NRTN: variants seen among roughly 807,000 people sequenced by gnomAD.
NRTN encodes the protein neurturin, also known as prepro-neurturin.
NRTN carries 3 observed loss-of-function variants against 7.5 expected under a neutral mutation model. The observed-to-expected ratio is 0.40, with a 90% CI of 0.18 to 1.03. NRTN has a LOEUF of 1.03. Ranked by LOEUF, NRTN falls within the 50% of genes least tolerant of loss-of-function variation. The pLI, the probability that NRTN is intolerant of heterozygous loss-of-function variation, is 0.34. For missense variants in NRTN, 310 were observed against 307.0 expected, an observed-to-expected ratio of 1.01 and a Z score of -0.07; for synonymous variants, 157 against 146.6, an observed-to-expected ratio of 1.07 and a Z score of -0.51.
At chr19:5,816,649 T>C (rs80020143) in intron 1 of NRTN, among the ~76,000 whole-genome samples, 13,968 of 152,212 alleles carry the variant, frequency 0.092, 1,114 homozygotes, top group East Asian at 0.42. Context: ...CCCAAAGTGC[T>C]GGGATTACAG....
chr19:5,813,714 C>G (rs1297490852), intron 1 of NRTN, among the ~76,000 whole-genome samples: 3 of 148,686 alleles, frequency 2.0e-5, no homozygotes, highest in Non-Finnish European at 4.4e-5. Context: ...GTGGCGCACA[C>G]CTGTAGTCCC....
intron 1 of NRTN, among the ~76,000 whole-genome samples, chr19:5,815,895 T>TCACCG (rs749604715): frequency 4.7e-5 from 7 of 149,964 alleles, no homozygotes; most frequent in African/African-American, 7.4e-5. Flanking sequence ...CAGGTGCCTG[T>TCACCG]CACCGTGCCT....
At chr19:5,809,386 G>A (rs2056983357) in intron 1 of NRTN, among the ~76,000 whole-genome samples, 1 of 149,114 alleles carries the variant, frequency 6.7e-6, no homozygotes, top group African/African-American at 2.5e-5. Flanking sequence ...TGCCCAGGCT[G>A]GTCTCAAAAC....
intron 1 of NRTN, among the ~76,000 whole-genome samples, chr19:5,817,807 TGTTTC>T (rs910876502): frequency 3.3e-4 from 50 of 152,146 alleles, no homozygotes; most frequent in African/African-American, 1.1e-3. Context: ...TGTTTTGTTT[TGTTTC>T]GTTTCCAGAC....
chr19:5,808,007 CA>C (rs2056979176), intron 1 of NRTN, among the ~76,000 whole-genome samples: 1 of 152,180 alleles, frequency 6.6e-6, no homozygotes, highest in Non-Finnish European at 1.5e-5. Flanking sequence ...TTCTTGAGCC[CA>C]GGAGGTCGAG....
chr19:5,819,540 G>A (rs1220480718), intron 1 of NRTN, among the ~76,000 whole-genome samples: 1 of 152,190 alleles, frequency 6.6e-6, no homozygotes, highest in Non-Finnish European at 1.5e-5. Context: ...GCACATGCCT[G>A]TAGTCCCAGC....
In NRTN at chr19:5,824,103, C is replaced by T; in HGVS notation, c.-63C>T. 6.3e-7 allele frequency: 1 copy of T among 1,592,882 alleles called. No individual in the cohort carries two copies. On this transcript the variant is annotated 5_prime_UTR_variant, in exon 2 of 3. Transcript: ENST00000303212. The stretch of plus-strand genomic sequence containing the variant: ...TGAGTCCTGGCCCAGCGCCCTGTGC[C>T]CGTTGGCTGCTGGAGGGACAGACGG...
Position 5,825,904 on chromosome 19 carries a change from G to A in NRTN, c.169+1570G>A, listed in dbSNP as rs577348193. ...GATCCCAGCACTTTGGGAGGCCGAG[G>A]TGGGCGGATCACGAGGTCAGGAGAT... On this transcript the variant is annotated intron_variant, in intron 2 of 2. Coordinates refer to ENST00000303212, the MANE Select transcript of NRTN (RefSeq NM_004558.5). Among the ~76,000 whole-genome samples the A allele has an allele frequency of 2.3e-3, 343 of 152,310 alleles. 2 individuals are homozygous for A. Among genetic ancestry groups the A allele is most frequent in the Non-Finnish European group, 9.1e-4 (62 of 68,022 alleles).
chr19:5,812,164 C>T (rs754602227), intron 1 of NRTN, among the ~76,000 whole-genome samples: 112 of 151,548 alleles, frequency 7.4e-4, no homozygotes, highest in Middle Eastern at 3.4e-3. Flanking sequence ...GCCACCGTGC[C>T]GGGCCCAGTT....
intron 1 of NRTN, among the ~76,000 whole-genome samples, chr19:5,810,664 T>G (rs992922265): frequency 1.3e-5 from 2 of 152,072 alleles, no homozygotes; most frequent in Non-Finnish European, 2.9e-5. Flanking sequence ...CCGGGCGCAG[T>G]GGCTCGTGCC....
At chr19:5,821,825 A>G (rs1206748451) in intron 1 of NRTN, among the ~76,000 whole-genome samples, 1 of 152,092 alleles carries the variant, frequency 6.6e-6, no homozygotes, top group Admixed American at 6.6e-5. Flanking sequence ...CACCAATACC[A>G]AACAGTCTCA....
At chr19:5,825,719 T>TG (rs2057043473) in intron 2 of NRTN, among the ~76,000 whole-genome samples, 1 of 152,218 alleles carries the variant, frequency 6.6e-6, no homozygotes, top group Non-Finnish European at 1.5e-5. Context: ...GAGTGGCCAC[T>TG]GACTCCCCAA....
chr19:5,828,199 G>T lies in NRTN; in HGVS notation c.*26G>T. 1.3e-6 allele frequency: 2 copies of T among 1,527,772 alleles called. No homozygotes were observed. Among genetic ancestry groups the T allele is most frequent in the South Asian group, 1.2e-5 (1 of 83,476 alleles). The allele number at this position is 1,527,772 out of a possible 1,614,324, so 94.6% of individuals were successfully genotyped here. The stretch of plus-strand genomic sequence containing the variant: ...CCCTACCTCACTCGGCCGGCGCGGC[G>T]GCCACTCCCCCCGCCTCGACGGCAC... On this transcript the variant is annotated 3_prime_UTR_variant, in exon 3 of 3. Transcript: ENST00000303212.
intron 2 of NRTN, among the ~76,000 whole-genome samples, chr19:5,825,944 C>G (rs2057044274): frequency 6.6e-6 from 1 of 152,192 alleles, no homozygotes; most frequent in African/African-American, 2.4e-5. Flanking sequence ...ACCATTCTGG[C>G]TAACACTGTG....
chr19:5,827,319 G>A, intron 2 of NRTN, among the ~76,000 whole-genome samples: 1 of 151,190 alleles, frequency 6.6e-6, no homozygotes, highest in South Asian at 2.1e-4. Flanking sequence ...GCCCAGCATA[G>A]GGGCGGGGTC....
chr19:5,821,283 C>G (rs943694014), intron 1 of NRTN, among the ~76,000 whole-genome samples: 2 of 151,262 alleles, frequency 1.3e-5, no homozygotes, highest in Non-Finnish European at 2.9e-5. Context: ...TCTGGGCCAC[C>G]CAGTGCCTAG....
At position 5,827,970 on chromosome 19, in the gene NRTN, G is replaced by A; in HGVS notation, c.391G>A (p.Ala131Thr). The A allele has an allele frequency of 6.8e-7, 1 of 1,473,590 alleles. No homozygotes were observed. Among genetic ancestry groups the A allele is most frequent in the East Asian group, 2.9e-5 (1 of 34,592 alleles). The allele number at this position is 1,473,590 out of a possible 1,614,324, so 91.3% of individuals were successfully genotyped here. ...SDETVLFRYC[A>T]GACEAAARVY... ...CGAGACGGTGCTGTTCCGCTACTGCGCAGGCGCCTGCGAGGCTGCCGCGCG... is the reference window on the plus strand; with the variant it reads ...CGAGACGGTGCTGTTCCGCTACTGCACAGGCGCCTGCGAGGCTGCCGCGCG... The change falls in exon 3 of 3, where the codon GCA (alanine) becomes ACA (threonine). Residue 131 changes from alanine (A) to threonine (T), a missense_variant. Physicochemically the swap from Ala to Thr is moderately conservative, Grantham distance 58. Coordinates refer to ENST00000303212, the MANE Select transcript of NRTN (RefSeq NM_004558.5).
At chr19:5,817,493 GAGAA>G (rs60828814) in intron 1 of NRTN, among the ~76,000 whole-genome samples, 12,990 of 135,388 alleles carry the variant, frequency 0.096, 1,159 homozygotes, top group East Asian at 0.44. Flanking sequence ...GAAAGAGAGA[GAGAA>G]AGGAAGGAAG....
intron 1 of NRTN, among the ~76,000 whole-genome samples, chr19:5,820,383 G>A (rs2057019805): frequency 6.7e-6 from 1 of 149,680 alleles, no homozygotes; most frequent in Non-Finnish European, 1.5e-5. Context: ...TGGCTAACAC[G>A]GTGAAACCCT....
Sources: gnomAD v4.1 joint callset for allele counts (sites outside exome capture counted in the v4.1 genomes callset) on GRCh38, gnomAD v4.1.1 for gene constraint, MANE v1.5 for transcripts, NCBI Gene and HGNC (gene_info 2026-07-23, HGNC 2026-07-21) for gene names.